The following ATP2B3 variants were observed in gnomAD, a reference collection of about 807,000 sequenced individuals.
ATP2B3 encodes the protein plasma membrane calcium-transporting ATPase 3.
Under a neutral mutation model 70.8 loss-of-function variants are expected in ATP2B3, and 12 were observed. The ratio of observed to expected loss-of-function variants is 0.17; its 90% CI spans 0.11 to 0.27. The LOEUF is 0.27. Ranked by LOEUF, ATP2B3 falls within the 10% of genes least tolerant of loss-of-function variation. The probability of loss-of-function intolerance (pLI) is 1.00; values close to 1 mark genes in which losing one functional copy is unlikely to be tolerated. For missense variants in ATP2B3, 858 were observed against 1,118.5 expected, an observed-to-expected ratio of 0.77 and a Z score of 3.32; for synonymous variants, 460 against 497.8, an observed-to-expected ratio of 0.92 and a Z score of 1.01.
intron 2 of ATP2B3, among the ~76,000 whole-genome samples, chrX:153,519,986 C>T (rs1342405537): frequency 1.9e-5 from 2 of 106,492 alleles, no homozygotes; most frequent in African/African-American, 6.8e-5. Context: ...AGAGGAGGCT[C>T]GTGAGGGTGC....
At chrX:153,549,136 C>T (rs2090416029) in intron 10 of ATP2B3, among the ~76,000 whole-genome samples, 2 of 101,722 alleles carry the variant, frequency 2.0e-5, no homozygotes, top group South Asian at 4.9e-4. Flanking sequence ...AGCGGGGAAG[C>T]GGAGAATCAG....
At chrX:153,570,302 C>T (rs142256607) in intron 21 of ATP2B3, among the ~76,000 whole-genome samples, 2,576 of 112,695 alleles carry the variant, frequency 0.023, 59 homozygotes, top group African/African-American at 0.078. Context: ...AAGGATGCCG[C>T]TGTCACCTGT....
intron 16 of ATP2B3, 117 bp downstream of exon 16, chrX:153,557,140 C>T: frequency 1.3e-6 from 1 of 751,573 alleles, no homozygotes. Flanking sequence ...TACAGAGTGC[C>T]TGAAGGTTCT....
At chrX:153,529,942 A>G (rs1291192983) in intron 2 of ATP2B3, among the ~76,000 whole-genome samples, 1 of 112,842 alleles carries the variant, frequency 8.9e-6, no homozygotes, top group Non-Finnish European at 1.9e-5. Flanking sequence ...TGGATGGGCC[A>G]CATGGTGTTT....
intron 2 of ATP2B3, among the ~76,000 whole-genome samples, chrX:153,529,076 G>C (rs1317676694): frequency 8.9e-6 from 1 of 112,915 alleles, no homozygotes; most frequent in Non-Finnish European, 1.9e-5. Context: ...AGACACATTT[G>C]AGAAGTGGAA....
chrX:153,552,269 G>A (rs1437889810), intron 12 of ATP2B3, among the ~76,000 whole-genome samples: 1 of 112,413 alleles, frequency 8.9e-6, no homozygotes, highest in Non-Finnish European at 1.9e-5. Context: ...CTGGGGAGGG[G>A]TGTGAGGGTT....
At chrX:153,534,460 CA>C (rs3841308) in intron 2 of ATP2B3, among the ~76,000 whole-genome samples, 30,169 of 111,190 alleles carry the variant, frequency 0.27, 4,659 homozygotes, top group African/African-American at 0.6. Context: ...CTTTTCCCCC[CA>C]ATGCCTGTCC....
chrX:153,559,639 C>T, intron 17 of ATP2B3, 90 bp from the exon 18 acceptor site: 1 of 767,027 alleles, frequency 1.3e-6, no homozygotes, highest in Non-Finnish European at 2.0e-6. Flanking sequence ...GATGTGGACC[C>T]CATGAGGAGC....
At chrX:153,542,049 T>TC (rs782083023) in intron 5 of ATP2B3, 123 bp downstream of exon 5, 2 of 182,556 alleles carry the variant, frequency 1.1e-5, no homozygotes, top group African/African-American at 2.9e-5. Context: ...TCACCTGCCT[T>TC]AGGAGGCGGG....
chrX:153,577,051 C>A (rs1488975817), intron 21 of ATP2B3, among the ~76,000 whole-genome samples: 1 of 112,696 alleles, frequency 8.9e-6, no homozygotes, highest in Admixed American at 9.3e-5. Flanking sequence ...CTTAGCACCC[C>A]CAAACAGCAG....
At position 153,564,839 on chromosome X, in the gene ATP2B3, GTC is replaced by G. The variant is rs2090679205; in HGVS notation, c.3160-79_3160-78del. ...CATCCTTTGGAAGAAGGAGGCCGGCGTCTCCCTCTGGAGAGGGACCTTACACC... is the reference window on the plus strand; with the variant it reads ...CATCCTTTGGAAGAAGGAGGCCGGCGTCCCTCTGGAGAGGGACCTTACACC... On this transcript the variant is annotated intron_variant, in intron 20 of 21. Coordinates refer to ENST00000263519, the MANE Select transcript of ATP2B3 (RefSeq NM_001001344.3). 7.3e-6 allele frequency: 7 copies of G among 960,844 alleles called. No individual in the cohort carries two copies. The South Asian group carries it at 1.9e-4, about 26-fold the overall frequency. The allele number at this position is 960,844 out of a possible 1,213,427, so 79.2% of individuals were successfully genotyped here.
intron 1 of ATP2B3, among the ~76,000 whole-genome samples, 113 bp from the exon 2 acceptor site, chrX:153,518,319 G>T (rs1197318541): frequency 1.9e-5 from 2 of 106,558 alleles, no homozygotes; most frequent in African/African-American, 6.7e-5. Context: ...TCGCCTTCCC[G>T]CACCGTTCCC....
At chrX:153,519,764 G>A (rs1416249349) in intron 2 of ATP2B3, among the ~76,000 whole-genome samples, 1 of 112,260 alleles carries the variant, frequency 8.9e-6, no homozygotes, top group Non-Finnish European at 1.9e-5. Flanking sequence ...CGGCCAGGTG[G>A]TTTGAGTGCA....
At position 153,556,165 on chromosome X, in the gene ATP2B3, G is replaced by A. The variant is rs1557013400; in HGVS notation, c.2175G>A (p.Gly725=). The A allele has an allele frequency of 8.2e-7, 1 of 1,212,155 alleles. No homozygotes were observed. The highest frequency in any genetic ancestry group is 1.8e-5 in the South Asian group (1 of 56,964). The part of the protein sequence containing the change: ...IAAKCGIIQP[G]EDFLCLEGKE... ...CCAAATGCGGCATCATCCAGCCCGGGGAGGACTTCCTGTGCCTAGAAGGGA... is the reference window on the plus strand; with the variant it reads ...CCAAATGCGGCATCATCCAGCCCGGAGAGGACTTCCTGTGCCTAGAAGGGA... The change falls in exon 14 of 22, where the codon GGG becomes GGA. Residue 725 remains glycine (G), a synonymous_variant. Transcript: ENST00000263519.
intron 18 of ATP2B3, among the ~76,000 whole-genome samples, chrX:153,560,430 C>T (rs1012699280): frequency 7.2e-5 from 8 of 111,545 alleles, no homozygotes; most frequent in African/African-American, 2.3e-4. Context: ...TTAAGAACTT[C>T]CCTTCTTAAT....
At position 153,535,093 on chromosome X, in the gene ATP2B3, C is replaced by G. The variant is rs187977868; in HGVS notation, c.-126-1029C>G. Among the ~76,000 whole-genome samples the G allele has an allele frequency of 5.3e-3, 597 of 112,816 alleles. 3 individuals carry two copies. Among genetic ancestry groups the G allele is most frequent in the Middle Eastern group, 9.3e-3 (2 of 216 alleles). ...GAGGATGTGACAGGCTTAGCTCGGG[C>G]CGGGAAGGAGCGGAGAGAGAGGAGC... On this transcript the variant is annotated intron_variant, in intron 2 of 21. Coordinates refer to ENST00000263519, the MANE Select transcript of ATP2B3 (RefSeq NM_001001344.3).
intron 20 of ATP2B3, among the ~76,000 whole-genome samples, chrX:153,563,136 CTTTTTTTTT>C (rs36131654): frequency 4.1e-5 from 2 of 48,795 alleles, no homozygotes; most frequent in East Asian, 8.3e-4. Context: ...CTGGCTTTTC[CTTTTTTTTT>C]TTTTTTTTTT....
At position 153,529,723 on chromosome X, in the gene ATP2B3, G is replaced by C. The variant is rs782603143; in HGVS notation, c.-126-6399G>C. Among the ~76,000 whole-genome samples the C allele has an allele frequency of 6.5e-3, 720 of 111,167 alleles. 6 individuals are homozygous for C. The highest frequency in any genetic ancestry group is 0.016 in the African/African-American group (477 of 30,463). On this transcript the variant is annotated intron_variant, in intron 2 of 21. Transcript: ENST00000263519. The stretch of plus-strand genomic sequence containing the variant: ...GGCCCCGTTCAACCCCAACTCCCCA[G>C]CCCCCAGCCCATGGCACCCACCCTT...
At chrX:153,535,316 A>C (rs914630787) in intron 2 of ATP2B3, among the ~76,000 whole-genome samples, 39 of 112,030 alleles carry the variant, frequency 3.5e-4, no homozygotes, top group African/African-American at 1.2e-3. Flanking sequence ...GGAGGGAAGA[A>C]GAGCGTGGAG....
Sources: gnomAD v4.1 joint callset for allele counts (sites outside exome capture counted in the v4.1 genomes callset) on GRCh38, gnomAD v4.1.1 for gene constraint, MANE v1.5 for transcripts, NCBI Gene and HGNC (gene_info 2026-07-23, HGNC 2026-07-21) for gene names.